Variants in GPR149 observed in about 807,000 individuals in gnomAD.
GPR149 encodes the protein probable G protein-coupled receptor 149.
A neutral mutation model predicts 50.2 loss-of-function variants in GPR149; 50 were observed. That is an observed-to-expected ratio of 1.00 (90% CI 0.79 to 1.26). GPR149 has a LOEUF of 1.26. GPR149 is among the 50% of genes most tolerant of loss of function. GPR149 has a pLI of 0.00. For synonymous variants in GPR149, 405 were observed against 358.2 expected (o/e 1.13, Z -1.48); for missense variants, 983 against 895.4 (o/e 1.10, Z -1.25).
intron 3 of GPR149, among the ~76,000 whole-genome samples, chr3:154,419,557 G>A (rs1371489000): frequency 1.3e-5 from 2 of 151,958 alleles, no homozygotes; most frequent in African/African-American, 4.8e-5. Context: ...AAACAATATA[G>A]TATGTTAGAA....
rs1576912801 is a variant in GPR149, at chr3:154,376,409, T to A, written c.1624-38138A>T. On this transcript the variant is annotated intron_variant, in intron 3 of 3. Transcript: ENST00000389740. The stretch of plus-strand genomic sequence containing the variant: ...TAGCTGTGTGCTTATATAAGTCAAT[T>A]TTCCCTGTTCAGGTTGATGTCAGGA... 2.6e-5 allele frequency among the ~76,000 whole-genome samples: 4 copies of A among 152,340 alleles called. No individual in the cohort carries two copies. The East Asian group carries it at 7.7e-4, about 29-fold the overall frequency.
intron 2 of GPR149, among the ~76,000 whole-genome samples, chr3:154,426,114 C>T (rs941775099): frequency 6.6e-6 from 1 of 152,118 alleles, no homozygotes; most frequent in African/African-American, 2.4e-5. Flanking sequence ...ATAAGTGGCC[C>T]ATAAGGGTTT....
At chr3:154,363,413 T>G (rs1416689469) in intron 3 of GPR149, among the ~76,000 whole-genome samples, 1 of 152,094 alleles carries the variant, frequency 6.6e-6, no homozygotes, top group Non-Finnish European at 1.5e-5. Context: ...CATTAGTGTT[T>G]GGTGAGGGGT....
intron 1 of GPR149, among the ~76,000 whole-genome samples, chr3:154,428,068 C>A (rs113469042): frequency 0.013 from 1,930 of 152,328 alleles, 15 homozygotes; most frequent in Middle Eastern, 0.048. Context: ...GGACCCTCAC[C>A]TCCGCCCATG....
chr3:154,416,549 T>C (rs1035159282), intron 3 of GPR149, among the ~76,000 whole-genome samples: 6 of 151,804 alleles, frequency 4.0e-5, no homozygotes, highest in African/African-American at 1.4e-4. Flanking sequence ...ATTACTTAAA[T>C]AAATAATAAT....
intron 3 of GPR149, among the ~76,000 whole-genome samples, chr3:154,377,736 A>G (rs553324979): frequency 6.6e-6 from 1 of 152,254 alleles, no homozygotes; most frequent in South Asian, 2.1e-4. Context: ...AACTCATTGT[A>G]AAGAGTGCAG....
In GPR149 at chr3:154,410,280, T is replaced by G. The variant is rs568351021; in HGVS notation, c.1623+10759A>C. ...CAAAATACACCAAAACAGAACCCCCTAAAAGCATAAATCTCATAGGACCTA... is the reference window on the plus strand; with the variant it reads ...CAAAATACACCAAAACAGAACCCCCGAAAAGCATAAATCTCATAGGACCTA... On this transcript the variant is annotated intron_variant, in intron 3 of 3. Coordinates refer to ENST00000389740, the MANE Select transcript of GPR149 (RefSeq NM_001038705.3). 2.0e-5 allele frequency among the ~76,000 whole-genome samples: 3 copies of G among 152,066 alleles called. No individual in the cohort carries two copies. The East Asian group carries it at 5.8e-4, about 29-fold the overall frequency.
chr3:154,347,454 G>C (rs915560637), intron 3 of GPR149, among the ~76,000 whole-genome samples: 1 of 152,158 alleles, frequency 6.6e-6, no homozygotes, highest in South Asian at 2.1e-4. Context: ...CAGCAGCATG[G>C]GGGTAACTGC....
intron 3 of GPR149, among the ~76,000 whole-genome samples, chr3:154,376,813 G>A (rs1714801964): frequency 1.3e-5 from 2 of 152,142 alleles, no homozygotes; most frequent in Non-Finnish European, 2.9e-5. Flanking sequence ...TTGGGTAGAG[G>A]AGTCATATCT....
Position 154,337,772 on chromosome 3 carries a change from T to A in GPR149, c.2123A>T (p.Asp708Val). 6.2e-7 allele frequency: 1 copy of A among 1,613,598 alleles called. No individual in the cohort carries two copies. The highest frequency in any genetic ancestry group is 8.5e-7 in the Non-Finnish European group (1 of 1,179,832). ...CAACTGGATTTCCTCCTGGTAGCCA[T>A]CCCTCTCTTGATGCTGCCTTTTACT... ...QNSKRQHQER[D>V]GYQEEIQLLN... Residue 708 changes from aspartate (D) to valine (V), a missense_variant, in exon 4 of 4, where the codon GAT (aspartate) becomes GTT (valine). Coordinates refer to ENST00000389740, the MANE Select transcript of GPR149 (RefSeq NM_001038705.3).
chr3:154,352,428 G>T, intron 3 of GPR149: 1 of 886,048 alleles, frequency 1.1e-6, no homozygotes, highest in Admixed American at 1.7e-5. Flanking sequence ...TAACCTTTCT[G>T]ATTCAGTTGT....
intron 2 of GPR149, among the ~76,000 whole-genome samples, chr3:154,425,355 AG>A (rs1712263664): frequency 3.3e-5 from 5 of 152,148 alleles, no homozygotes; most frequent in Admixed American, 3.3e-4. Context: ...ATGGACAAAA[AG>A]TTTAAACATA....
At chr3:154,352,542 C>A (rs1714105312) in intron 3 of GPR149, 1 of 774,808 alleles carries the variant, frequency 1.3e-6, no homozygotes, top group African/African-American at 1.7e-5. Flanking sequence ...TTTCCAGGCA[C>A]AGGTGACATC....
chr3:154,429,818 G>C lies in GPR149; in HGVS notation c.-203C>G. The stretch of plus-strand genomic sequence containing the variant: ...ATTTAAAAATTAGGTTCCATTTCAA[G>C]CATAAAAAAAAAAAAACCCGAACAG... On this transcript the variant is annotated 5_prime_UTR_variant, in exon 1 of 4. Coordinates refer to ENST00000389740, the MANE Select transcript of GPR149 (RefSeq NM_001038705.3). 3.0e-6 allele frequency: 1 copy of C among 337,166 alleles called. No homozygotes were observed. Among genetic ancestry groups the C allele is most frequent in the East Asian group, 4.4e-5 (1 of 22,694 alleles). The allele number at this position is 337,166 out of a possible 1,614,324, so 20.9% of individuals were successfully genotyped here.
intron 3 of GPR149, among the ~76,000 whole-genome samples, chr3:154,397,543 AT>A (rs1193071068): frequency 6.6e-6 from 1 of 151,606 alleles, no homozygotes; most frequent in Non-Finnish European, 1.5e-5. Flanking sequence ...ATCACTCCCA[AT>A]TATTCTAATA....
At chr3:154,374,725 T>C (rs949348239) in intron 3 of GPR149, among the ~76,000 whole-genome samples, 1 of 152,198 alleles carries the variant, frequency 6.6e-6, no homozygotes, top group Non-Finnish European at 1.5e-5. Flanking sequence ...GCAAATCTTA[T>C]GAACCAAGGG....
At position 154,396,007 on chromosome 3, in the gene GPR149, A is replaced by G. The variant is rs145769765; in HGVS notation, c.1623+25032T>C. 1.5e-3 allele frequency among the ~76,000 whole-genome samples: 229 copies of G among 152,298 alleles called. 2 individuals carry two copies. The highest frequency in any genetic ancestry group is 5.4e-3 in the African/African-American group (223 of 41,556). On this transcript the variant is annotated intron_variant, in intron 3 of 3. Transcript: ENST00000389740. ...TCTAGTTTTGAACCTAAGTCTAAAA[A>G]GCACTGAGGTGGTCTGAATTCTGAG...
chr3:154,374,185 T>TTTA (rs1714737769), intron 3 of GPR149, among the ~76,000 whole-genome samples: 1 of 146,394 alleles, frequency 6.8e-6, no homozygotes, highest in East Asian at 2.0e-4. Flanking sequence ...TTTTTTTTTT[T>TTTA]GAGACAGAGT....
intron 3 of GPR149, among the ~76,000 whole-genome samples, chr3:154,346,145 T>C (rs1382295924): frequency 6.6e-6 from 1 of 152,152 alleles, no homozygotes; most frequent in Non-Finnish European, 1.5e-5. Context: ...GATCGTTAGG[T>C]AATTTAGGTG....
Sources: allele counts gnomAD v4.1 joint callset (sites outside exome capture counted in the v4.1 genomes callset), GRCh38; gene constraint gnomAD v4.1.1; transcripts MANE v1.5; gene names NCBI Gene and HGNC (gene_info 2026-07-23, HGNC 2026-07-21).